The following DRC11 variants were observed in gnomAD, a reference collection of about 807,000 sequenced individuals.
DRC11 encodes the protein IQ and AAA domain-containing protein 1.
chr2:236,342,526 G>A, the DRC11 span, among the ~76,000 whole-genome samples: 1 of 152,214 alleles, frequency 6.6e-6, no homozygotes, highest in Non-Finnish European at 1.5e-5. The surrounding 1 kb of genome is among the most constrained non-coding windows in gnomAD (Gnocchi z 5.8). Context: ...GACTGGCCCA[G>A]TCATGGCTCT....
chr2:236,460,263 G>T, the DRC11 span, among the ~76,000 whole-genome samples: 2 of 152,150 alleles, frequency 1.3e-5, no homozygotes, highest in Non-Finnish European at 2.9e-5. The surrounding 1 kb of genome is among the most constrained non-coding windows in gnomAD (Gnocchi z 4.0). Context: ...AAACTGTCAG[G>T]TCAAGGACAC....
At chr2:236,336,495 A>C in the DRC11 span, among the ~76,000 whole-genome samples, 1 of 150,974 alleles carries the variant, frequency 6.6e-6, no homozygotes. This position sits in a 1 kb window ranked among gnomAD's most constrained non-coding sequence, Gnocchi z 7.3. Context: ...CACCACTGGC[A>C]CCAGCACGTC....
At chr2:236,403,672 A>G in the DRC11 span, among the ~76,000 whole-genome samples, 1 of 152,062 alleles carries the variant, frequency 6.6e-6, no homozygotes, top group Non-Finnish European at 1.5e-5. Context: ...ACTTCATTTT[A>G]TTTGCTTTTC....
chr2:236,459,698 T>C, the DRC11 span, among the ~76,000 whole-genome samples: 1 of 148,318 alleles, frequency 6.7e-6, no homozygotes, highest in Non-Finnish European at 1.5e-5. Flanking sequence ...CATATATACA[T>C]ATATACGTAT....
chr2:236,456,918 C>T, the DRC11 span, among the ~76,000 whole-genome samples: 1 of 152,302 alleles, frequency 6.6e-6, no homozygotes, highest in African/African-American at 2.4e-5. This position sits in a 1 kb window ranked among gnomAD's most constrained non-coding sequence, Gnocchi z 5.4. Context: ...ACTCAGGTGG[C>T]TCCAAAGCCC....
the DRC11 span, chr2:236,331,287 G>A: frequency 5.7e-4 from 621 of 1,098,802 alleles, 9 homozygotes; most frequent in South Asian, 3.4e-4. This position sits in a 1 kb window ranked among gnomAD's most constrained non-coding sequence, Gnocchi z 4.8. Flanking sequence ...CGAAACCCAC[G>A]GAACTGCAGA....
chr2:236,328,150 A>T, the DRC11 span, among the ~76,000 whole-genome samples: 37 of 151,988 alleles, frequency 2.4e-4, no homozygotes, highest in African/African-American at 8.5e-4. The surrounding 1 kb of genome is among the most constrained non-coding windows in gnomAD (Gnocchi z 6.7). Context: ...CTTGGGGTAG[A>T]TTATTGCTTG....
At chr2:236,421,198 A>T in the DRC11 span, among the ~76,000 whole-genome samples, 1 of 152,248 alleles carries the variant, frequency 6.6e-6, no homozygotes, top group South Asian at 2.1e-4. Flanking sequence ...CAGGCAAAAA[A>T]TAACTGAGAT....
At chr2:236,471,852 T>C in the DRC11 span, among the ~76,000 whole-genome samples, 30 of 152,282 alleles carry the variant, frequency 2.0e-4, no homozygotes, top group Non-Finnish European at 3.4e-4. The surrounding 1 kb of genome is among the most constrained non-coding windows in gnomAD (Gnocchi z 4.6). Flanking sequence ...TAGAGCACTT[T>C]GCAATGAGCC....
the DRC11 span, among the ~76,000 whole-genome samples, chr2:236,470,624 T>C: frequency 5.3e-5 from 8 of 152,238 alleles, no homozygotes; most frequent in Admixed American, 3.9e-4. This position sits in a 1 kb window ranked among gnomAD's most constrained non-coding sequence, Gnocchi z 5.1. Flanking sequence ...TCAGCCATTT[T>C]GTTTCATCAT....
the DRC11 span, among the ~76,000 whole-genome samples, chr2:236,489,649 C>T: frequency 6.6e-6 from 1 of 152,130 alleles, no homozygotes; most frequent in African/African-American, 2.4e-5. Flanking sequence ...AGGCCAGGCA[C>T]AGTGGCTCAC....
chr2:236,459,533 A>ATATG, the DRC11 span, among the ~76,000 whole-genome samples: 2,289 of 90,828 alleles, frequency 0.025, 34 homozygotes, highest in Non-Finnish European at 0.04. Context: ...ATACATGTAT[A>ATATG]CGTATACGTA....
At chr2:236,482,120 A>G in the DRC11 span, among the ~76,000 whole-genome samples, 1 of 150,808 alleles carries the variant, frequency 6.6e-6, no homozygotes, top group Non-Finnish European at 1.5e-5. This position sits in a 1 kb window ranked among gnomAD's most constrained non-coding sequence, Gnocchi z 4.5. Context: ...TATATGTATA[A>G]TTCTATGTAT....
the DRC11 span, among the ~76,000 whole-genome samples, chr2:236,440,850 G>A: frequency 6.6e-6 from 1 of 151,462 alleles, no homozygotes; most frequent in Admixed American, 6.6e-5. Flanking sequence ...AAGGTAAGAC[G>A]GGAAAAAAAA....
the DRC11 span, among the ~76,000 whole-genome samples, chr2:236,503,354 C>T: frequency 7.9e-5 from 12 of 152,222 alleles, no homozygotes; most frequent in African/African-American, 2.9e-4. The surrounding 1 kb of genome is among the most constrained non-coding windows in gnomAD (Gnocchi z 4.9). Context: ...GTGGGCAGAA[C>T]CATCCAGGGG....
At chr2:236,482,638 T>C in the DRC11 span, among the ~76,000 whole-genome samples, 1 of 152,202 alleles carries the variant, frequency 6.6e-6, no homozygotes, top group Non-Finnish European at 1.5e-5. This position sits in a 1 kb window ranked among gnomAD's most constrained non-coding sequence, Gnocchi z 4.5. Context: ...GTTTAGCATA[T>C]CTGAAATTAG....
At chr2:236,458,354 G>T in the DRC11 span, among the ~76,000 whole-genome samples, 3 of 152,294 alleles carry the variant, frequency 2.0e-5, no homozygotes, top group Non-Finnish European at 4.4e-5. Context: ...GAGCTTAAGT[G>T]TGAAGCAAGA....
At chr2:236,472,608 A>G in the DRC11 span, among the ~76,000 whole-genome samples, 5 of 152,234 alleles carry the variant, frequency 3.3e-5, no homozygotes, top group African/African-American at 1.2e-4. The surrounding 1 kb of genome is among the most constrained non-coding windows in gnomAD (Gnocchi z 4.6). Flanking sequence ...ACAACATACT[A>G]TAATTTTTCA....
chr2:236,416,725 A>T, the DRC11 span, among the ~76,000 whole-genome samples: 22 of 15,994 alleles, frequency 1.4e-3, no homozygotes, highest in South Asian at 5.5e-3. Context: ...ATATATTTAT[A>T]TATATATATA....
Sources: allele counts gnomAD v4.1 joint callset (sites outside exome capture counted in the v4.1 genomes callset), GRCh38; gene constraint gnomAD v4.1.1; non-coding constraint Gnocchi (gnomAD v3.1); transcripts MANE v1.5; gene names NCBI Gene and HGNC (gene_info 2026-07-23, HGNC 2026-07-21).